The following F5 variants were observed in gnomAD, a reference collection of about 807,000 sequenced individuals.
F5 encodes coagulation factor V.
A neutral mutation model predicts 216.4 loss-of-function variants in F5; 138 were observed. That is an observed-to-expected ratio of 0.64 (90% CI 0.56 to 0.73). The LOEUF (loss-of-function observed/expected upper bound fraction) is 0.73, where lower values mean the gene tolerates loss of function less well. Ranked by LOEUF, F5 falls within the 30% of genes least tolerant of loss-of-function variation. The probability of loss-of-function intolerance (pLI) is 0.00; values close to 1 mark genes in which losing one functional copy is unlikely to be tolerated. For synonymous variants in F5, 916 were observed against 930.7 expected (o/e 0.98, Z 0.29); for missense variants, 2,403 against 2,674.0 (o/e 0.90, Z 2.24).
intron 5 of F5, among the ~76,000 whole-genome samples, chr1:169,558,839 A>T (rs1660389293): frequency 6.6e-6 from 1 of 152,114 alleles, no homozygotes; most frequent in African/African-American, 2.4e-5. Context: ...TGAAGAAGCC[A>T]TGGTCATCAT....
chr1:169,568,312 T>C (rs1338746730), intron 3 of F5, among the ~76,000 whole-genome samples: 1 of 152,154 alleles, frequency 6.6e-6, no homozygotes, highest in Non-Finnish European at 1.5e-5. Context: ...ATATATTCTA[T>C]AATTACACTG....
At chr1:169,519,971 C>T (rs186191322) in intron 22 of F5, among the ~76,000 whole-genome samples, 16 of 152,302 alleles carry the variant, frequency 1.1e-4, no homozygotes, top group African/African-American at 3.6e-4. Context: ...ATTTATACCA[C>T]AGGTCACATT....
chr1:169,523,451 C>T, intron 20 of F5, 99 bp from the exon 21 acceptor site: 1 of 1,387,240 alleles, frequency 7.2e-7, no homozygotes, highest in Non-Finnish European at 1.0e-6. Context: ...AACTAAAGAG[C>T]TAGCACATAA....
Position 169,586,356 on chromosome 1 carries a change from G to A in F5, c.31C>T (p.Leu11=), listed in dbSNP as rs779805663. MFPGCPRLWV[L]VVLGTSWVGW... ...ACCCAGCTGGTGCCCAAGACCACCA[G>A]GACCCAGAGGCGTGGGCAGCCTGGG... The change falls in exon 1 of 25, where the codon CTG becomes TTG. Residue 11 remains leucine, a synonymous_variant. Coordinates refer to ENST00000367797, the MANE Select transcript of F5 (RefSeq NM_000130.5). 6.2e-7 allele frequency: 1 copy of A among 1,613,900 alleles called. No homozygotes were observed. Among genetic ancestry groups the A allele is most frequent in the Non-Finnish European group, 8.5e-7 (1 of 1,179,996 alleles).
At chr1:169,558,471 T>C (rs1314661797) in intron 5 of F5, among the ~76,000 whole-genome samples, 1 of 152,202 alleles carries the variant, frequency 6.6e-6, no homozygotes, top group Non-Finnish European at 1.5e-5. Flanking sequence ...CTAAGAAGTT[T>C]AGTGTTTTGA....
intron 21 of F5, among the ~76,000 whole-genome samples, chr1:169,522,613 A>C (rs1274561798): frequency 3.3e-5 from 5 of 152,168 alleles, no homozygotes; most frequent in Admixed American, 2.6e-4. Context: ...TAATAATGGC[A>C]GGCAGACTCC....
chr1:169,522,693 T>C (rs1464863897), intron 21 of F5, among the ~76,000 whole-genome samples: 1 of 152,168 alleles, frequency 6.6e-6, no homozygotes, highest in Non-Finnish European at 1.5e-5. Flanking sequence ...GCTGAGCCCC[T>C]GGAAGAACCA....
At chr1:169,559,008 A>G in intron 5 of F5, 145 bp downstream of exon 5, 1 of 910,038 alleles carries the variant, frequency 1.1e-6, no homozygotes, top group Non-Finnish European at 1.7e-6. Flanking sequence ...TCCTGTTTAA[A>G]AAAAAAAAGA....
chr1:169,559,327 A>C (rs201989966), intron 4 of F5, 31 bp from the exon 5 acceptor site: 6 of 1,612,596 alleles, frequency 3.7e-6, no homozygotes, highest in Non-Finnish European at 5.1e-6. Flanking sequence ...TTTCAGTAGC[A>C]CTGCAGATAG....
intron 14 of F5, among the ~76,000 whole-genome samples, chr1:169,533,275 G>A (rs1345496398): frequency 1.3e-5 from 2 of 152,144 alleles, no homozygotes; most frequent in Non-Finnish European, 2.9e-5. Context: ...ATGGATTAAA[G>A]ATTTAAATGT....
chr1:169,533,153 C>T (rs975796797), intron 14 of F5, among the ~76,000 whole-genome samples: 1 of 152,056 alleles, frequency 6.6e-6, no homozygotes, highest in African/African-American at 2.4e-5. Flanking sequence ...GAAAAGGACT[C>T]ATATTTAATA....
chr1:169,584,911 A>G (rs1661069508), intron 1 of F5, among the ~76,000 whole-genome samples: 1 of 152,210 alleles, frequency 6.6e-6, no homozygotes, highest in Non-Finnish European at 1.5e-5. Flanking sequence ...TGTACTCACC[A>G]TGTGAATCAG....
At chr1:169,569,171 C>G (rs1459537577) in intron 3 of F5, among the ~76,000 whole-genome samples, 1 of 151,944 alleles carries the variant, frequency 6.6e-6, no homozygotes, top group Non-Finnish European at 1.5e-5. Context: ...CCAAAATATT[C>G]AGATGAGAAG....
intron 1 of F5, among the ~76,000 whole-genome samples, chr1:169,582,991 A>G (rs867574359): frequency 2.0e-5 from 3 of 152,216 alleles, no homozygotes; most frequent in African/African-American, 7.2e-5. Context: ...GAGATGGCTA[A>G]TGGGGTAAAA....
chr1:169,541,479 A>C lies in F5; in HGVS notation c.3611T>G (p.Leu1204Arg), dbSNP rs754883543. 1 of 1,613,938 alleles carries C rather than the reference A, an allele frequency of 6.2e-7. No individual in the cohort carries two copies. Among genetic ancestry groups the C allele is most frequent in the Non-Finnish European group, 8.5e-7 (1 of 1,179,966 alleles). The change falls in exon 13 of 25, where the codon CTC becomes CGC. Residue 1204 changes from leucine to arginine, a missense_variant. By Grantham distance (102) the Leu-to-Arg change is moderately radical (BLOSUM62 -2). Transcript: ENST00000367797. The part of the protein sequence containing the change: ...TLSPELSQTN[L>R]SPDLSHTTLS... ...AGTCGTGTGGCTGAGGTCTGGAGAG[A>C]GGTTTGTCTGGCTGAGTTCTGGAGA...
At chr1:169,527,620 G>A (rs1290250217) in intron 17 of F5, among the ~76,000 whole-genome samples, 7 of 152,118 alleles carry the variant, frequency 4.6e-5, no homozygotes, top group Non-Finnish European at 8.8e-5. Context: ...TTTTTCATCT[G>A]CTTAAGACCT....
chr1:169,574,522 CAGG>C (rs1484217644), intron 2 of F5, among the ~76,000 whole-genome samples: 3 of 152,178 alleles, frequency 2.0e-5, no homozygotes, highest in Non-Finnish European at 4.4e-5. Flanking sequence ...GTCCTAGAAG[CAGG>C]AGAAGGAAGT....
chr1:169,586,324 C>T lies in F5; in HGVS notation c.63G>A (p.Trp21Ter). The T allele has an allele frequency of 6.2e-7, 1 of 1,614,138 alleles. No homozygotes were observed. The highest frequency in any genetic ancestry group is 8.5e-7 in the Non-Finnish European group (1 of 1,180,016). The change falls in exon 1 of 25, where the codon TGG becomes TGA. Residue 21 changes from tryptophan to a stop codon, truncating the protein, a stop_gained. Coordinates refer to ENST00000367797, the MANE Select transcript of F5 (RefSeq NM_000130.5). LOFTEE classifies it high-confidence loss of function. ...LVVLGTSWVG[W>*]GSQGTEAAQL... is the part of the protein sequence containing the mutation. The stretch of plus-strand genomic sequence containing the variant: ...GTGCCGCTTCTGTCCCTTGGCTCCC[C>T]CAGCCTACCCAGCTGGTGCCCAAGA...
chr1:169,514,862 A>G (rs1422588717), intron 24 of F5, among the ~76,000 whole-genome samples: 8 of 152,104 alleles, frequency 5.3e-5, no homozygotes, highest in Non-Finnish European at 1.5e-5. Flanking sequence ...CTGCAAAACC[A>G]TTTCTGCCTT....
Sources: gnomAD v4.1 joint callset for allele counts (sites outside exome capture counted in the v4.1 genomes callset) on GRCh38, gnomAD v4.1.1 for gene constraint, MANE v1.5 for transcripts, NCBI Gene and HGNC (gene_info 2026-07-23, HGNC 2026-07-21) for gene names.